PRSS12: variants seen among roughly 807,000 people sequenced by gnomAD.
PRSS12 encodes neurotrypsin.
A neutral mutation model predicts 104.4 loss-of-function variants in PRSS12; 85 were observed. The observed-to-expected ratio is 0.81, with a 90% CI of 0.68 to 0.98. The LOEUF (loss-of-function observed/expected upper bound fraction) is 0.98. Among genes scored for constraint, PRSS12 ranks in the 50% least tolerant of loss-of-function variants. The probability of loss-of-function intolerance (pLI) is 0.00; values close to 1 mark genes in which losing one functional copy is unlikely to be tolerated. For synonymous variants in PRSS12, 454 were observed against 425.2 expected (o/e 1.07, Z -0.83); for missense variants, 1,141 against 1,139.2 (o/e 1.00, Z -0.02).
rs1560791151 is a variant in PRSS12 at position 118,352,283 on chromosome 4, T to C, written c.438A>G (p.Arg146=). Residue 146 remains arginine (R), a synonymous_variant, in exon 1 of 13, where the codon AGA becomes AGG. Coordinates refer to ENST00000296498, the MANE Select transcript of PRSS12 (RefSeq NM_003619.4). Reference sequence around the variant, plus strand: ...GGGCGTCTCCGTAGAAACACCAGGGTCTGCCCGCGCCGTCGGGGCTCCGAC... The same window carrying C: ...GGGCGTCTCCGTAGAAACACCAGGGCCTGCCCGCGCCGTCGGGGCTCCGAC... ...NFCRSPDGAG[R]PWCFYGDARG... 4 of 1,609,106 alleles carry C rather than the reference T, an allele frequency of 2.5e-6. No homozygotes were observed. The highest frequency in any genetic ancestry group is 2.2e-5 in the South Asian group (2 of 90,258).
chr4:118,325,858 T>G lies in PRSS12; in HGVS notation c.971+5858A>C, dbSNP rs927551120. ...AATAAATTTTTGGGCAGAGATACTC[T>G]GATCTAATACCCTGAATTATTTTCT... On this transcript the variant is annotated intron_variant, in intron 4 of 12. Coordinates refer to ENST00000296498, the MANE Select transcript of PRSS12 (RefSeq NM_003619.4). Among the ~76,000 whole-genome samples, 4 of 152,262 alleles carry G rather than the reference T, an allele frequency of 2.6e-5. No homozygotes were observed. In the East Asian group the frequency reaches 5.8e-4, roughly 22 times the overall value.
intron 4 of PRSS12, among the ~76,000 whole-genome samples, chr4:118,325,301 A>G (rs1480375909): frequency 6.6e-6 from 1 of 151,522 alleles, no homozygotes; most frequent in East Asian, 2.0e-4. Context: ...TGGGTCCAAT[A>G]TACCCATGAA....
At chr4:118,295,307 C>T (rs768486471) in intron 10 of PRSS12, among the ~76,000 whole-genome samples, 2 of 152,168 alleles carry the variant, frequency 1.3e-5, no homozygotes, top group Non-Finnish European at 2.9e-5. Flanking sequence ...CTATCTGACA[C>T]TCTTAGAAAC....
chr4:118,281,863 C>A lies in PRSS12; in HGVS notation c.*73G>T, dbSNP rs145028190. 7.4e-6 allele frequency: 6 copies of A among 810,902 alleles called. No homozygotes were observed. Among genetic ancestry groups the A allele is most frequent in the Middle Eastern group, 2.5e-4 (1 of 4,040 alleles). 50.2% of individuals were successfully genotyped at this position (810,902 alleles called of 1,614,324 possible). On this transcript the variant is annotated 3_prime_UTR_variant, in exon 13 of 13. Transcript: ENST00000296498. ...CAGATCTTGCCATTTGTTGTCATCT[C>A]TGCTGAGTGCTAATAGTGGGGGTTC...
At chr4:118,307,017 G>A (rs1202055424) in intron 8 of PRSS12, among the ~76,000 whole-genome samples, 2 of 152,032 alleles carry the variant, frequency 1.3e-5, no homozygotes, top group Non-Finnish European at 1.5e-5. Context: ...TTTAATGGCT[G>A]ATTTTGGGTG....
chr4:118,295,456 C>CA (rs1743232470), intron 10 of PRSS12, among the ~76,000 whole-genome samples: 1 of 152,312 alleles, frequency 6.6e-6, no homozygotes, highest in South Asian at 2.1e-4. Flanking sequence ...TAAACTGAGT[C>CA]AAGTCTGAAA....
Position 118,352,958 on chromosome 4 carries a change from C to G in PRSS12, c.-238G>C, listed in dbSNP as rs1578949258. On this transcript the variant is annotated 5_prime_UTR_variant, in exon 1 of 13. Coordinates refer to ENST00000296498, the MANE Select transcript of PRSS12 (RefSeq NM_003619.4). ...TGGGGAAATCTGGAGCTCAGCCGAGCCCCGGCCGGCGGAGAGGACCGGAAA... is the reference window on the plus strand; with the variant it reads ...TGGGGAAATCTGGAGCTCAGCCGAGGCCCGGCCGGCGGAGAGGACCGGAAA... The G allele has an allele frequency of 1.8e-6, 2 of 1,108,574 alleles. No homozygotes were observed. Among genetic ancestry groups the G allele is most frequent in the Non-Finnish European group, 2.4e-6 (2 of 838,352 alleles). The allele number at this position is 1,108,574 out of a possible 1,614,324, so 68.7% of individuals were successfully genotyped here. A position where few individuals can be genotyped will look rare whatever the true frequency, so the allele number is the denominator to read the frequency against.
At chr4:118,332,156 C>T (rs896441728) in intron 3 of PRSS12, among the ~76,000 whole-genome samples, 1 of 152,098 alleles carries the variant, frequency 6.6e-6, no homozygotes, top group Non-Finnish European at 1.5e-5. Flanking sequence ...AAAAGCTGCG[C>T]ATTACTGGAA....
intron 1 of PRSS12, among the ~76,000 whole-genome samples, chr4:118,351,900 A>G (rs954518816): frequency 6.6e-6 from 1 of 152,070 alleles, no homozygotes; most frequent in Non-Finnish European, 1.5e-5. Context: ...CGCCCAAAGC[A>G]CACTGTCACC....
intron 1 of PRSS12, among the ~76,000 whole-genome samples, chr4:118,346,458 TTA>T (rs35783323): frequency 0.73 from 108,259 of 147,780 alleles, 41,614 homozygotes; most frequent in South Asian, 0.89. Flanking sequence ...ACTTTCCTAT[TTA>T]TATATATATA....
intron 8 of PRSS12, among the ~76,000 whole-genome samples, chr4:118,306,941 G>A (rs187287613): frequency 6.6e-6 from 1 of 151,968 alleles, no homozygotes; most frequent in African/African-American, 2.4e-5. Flanking sequence ...AGGTTTCCTG[G>A]ATCACTTCCA....
rs1490479434 is a variant in PRSS12 at position 118,281,962 on chromosome 4, A to G, written c.2602T>C (p.Trp868Arg). ...TACAGTTTGGTGACACTTTTTATCC[A>G]AGGTACAAAGGCTGAGACTTTGGTA... Reference protein sequence around the residue: ...VYTKVSAFVPWIKSVTKL With the variant: ...VYTKVSAFVPRIKSVTKL Residue 868 changes from tryptophan to arginine, a missense_variant, in exon 13 of 13, where the codon TGG (tryptophan) becomes CGG (arginine). By Grantham distance (101) the Trp-to-Arg change is moderately radical (BLOSUM62 -3). Coordinates refer to ENST00000296498, the MANE Select transcript of PRSS12 (RefSeq NM_003619.4). 2 of 1,416,012 alleles carry G rather than the reference A, an allele frequency of 1.4e-6. No homozygotes were observed. Among genetic ancestry groups the G allele is most frequent in the African/African-American group, 2.8e-5 (2 of 70,830 alleles). The allele number at this position is 1,416,012 out of a possible 1,614,324, so 87.7% of individuals were successfully genotyped here.
Position 118,298,914 on chromosome 4 carries a change from C to T in PRSS12, c.1656G>A (p.Met552Ile), listed in dbSNP as rs772995173. 4 of 1,614,148 alleles carry T rather than the reference C, an allele frequency of 2.5e-6. No homozygotes were observed. ...GYKGPARART[M>I]AYFGEGKGPI... The stretch of plus-strand genomic sequence containing the variant: ...GTCCTTTTCCTTCTCCAAAGTAAGC[C>T]ATGGTTCTTGCTCTGGCAGGACCCC... Residue 552 changes from methionine (M) to isoleucine (I), a missense_variant, in exon 9 of 13, where the codon ATG (methionine) becomes ATA (isoleucine). Transcript: ENST00000296498.
chr4:118,299,456 G>A lies in PRSS12; in HGVS notation c.1632-518C>T, dbSNP rs573060728. Among the ~76,000 whole-genome samples the A allele has an allele frequency of 9.9e-5, 15 of 152,080 alleles. No individual in the cohort carries two copies. In the South Asian group the frequency reaches 1.2e-3, roughly 13 times the overall value. ...AACACTTTGGGAGGCCAAGGCGGGC[G>A]GATCACCTGAGGTCAGGAGTTCAAG... On this transcript the variant is annotated intron_variant, in intron 8 of 12. Transcript: ENST00000296498.
intron 1 of PRSS12, among the ~76,000 whole-genome samples, chr4:118,343,946 TA>T (rs966370040): frequency 2.0e-5 from 3 of 151,318 alleles, no homozygotes; most frequent in Admixed American, 6.6e-5. Flanking sequence ...GATAAAAGAG[TA>T]AAAAAAAACT....
At chr4:118,338,005 GA>G (rs1724103829) in intron 2 of PRSS12, among the ~76,000 whole-genome samples, 170 bp downstream of exon 2, 1 of 152,158 alleles carries the variant, frequency 6.6e-6, no homozygotes, top group African/African-American at 2.4e-5. Flanking sequence ...GCATGTGAGA[GA>G]ATTCATTTCT....
At chr4:118,318,144 T>C (rs1723497298) in intron 5 of PRSS12, among the ~76,000 whole-genome samples, 1 of 152,236 alleles carries the variant, frequency 6.6e-6, no homozygotes, top group African/African-American at 2.4e-5. Context: ...CAAAGTCCTA[T>C]TTTCTGATCT....
intron 1 of PRSS12, 136 bp from the exon 2 acceptor site, chr4:118,338,450 G>T: frequency 2.7e-6 from 3 of 1,109,012 alleles, no homozygotes; most frequent in Middle Eastern, 2.2e-4. Flanking sequence ...TCCACTGTGT[G>T]TGGCATGTGT....
At chr4:118,322,358 T>G (rs1040428478) in intron 4 of PRSS12, among the ~76,000 whole-genome samples, 1 of 152,148 alleles carries the variant, frequency 6.6e-6, no homozygotes, top group Non-Finnish European at 1.5e-5. Flanking sequence ...GAGACCAGGC[T>G]GATCAATGTA....
Sources: allele counts gnomAD v4.1 joint callset (sites outside exome capture counted in the v4.1 genomes callset), GRCh38; gene constraint gnomAD v4.1.1; transcripts MANE v1.5; gene names NCBI Gene and HGNC (gene_info 2026-07-23, HGNC 2026-07-21).